ATP9A: variants seen among roughly 807,000 people sequenced by gnomAD.
ATP9A encodes ATPase phospholipid transporting 9A.
ATP9A carries 52 observed loss-of-function variants against 144.1 expected under a neutral mutation model. The observed-to-expected ratio is 0.36, with a 90% confidence interval of 0.29 to 0.45. ATP9A has a LOEUF of 0.45. Ranked by LOEUF, ATP9A falls within the 20% of genes least tolerant of loss-of-function variation. The pLI is 1.00. For synonymous variants in ATP9A, 582 were observed against 557.4 expected, an observed-to-expected ratio of 1.04 and a Z score of -0.62; for missense variants, 947 against 1,392.7, an observed-to-expected ratio of 0.68 and a Z score of 5.09.
chr20:51,753,986 T>G (rs192291720), intron 1 of ATP9A, among the ~76,000 whole-genome samples: 77 of 152,124 alleles, frequency 5.1e-4, no homozygotes, highest in African/African-American at 1.8e-3. Context: ...CTCTCATTTT[T>G]TTTTACATAG....
Position 51,677,690 on chromosome 20 carries a change from G to A in ATP9A, c.800-1482C>T, listed in dbSNP as rs143055760. Among the ~76,000 whole-genome samples, 186 of 152,188 alleles carry A rather than the reference G, an allele frequency of 1.2e-3. 1 individual carries two copies. The highest frequency in any genetic ancestry group is 4.4e-3 in the African/African-American group (184 of 41,512). ...TTTCAGTCTAACTTGCCCATTTGGG[G>A]ATGTCTGTCCCAAGGACAACTCTTT... is the stretch of plus-strand genomic sequence containing the variant. On this transcript the variant is annotated intron_variant, in intron 9 of 27. Coordinates refer to ENST00000338821, the MANE Select transcript of ATP9A (RefSeq NM_006045.3).
chr20:51,631,715 T>C (rs1191864037), intron 15 of ATP9A, among the ~76,000 whole-genome samples: 1 of 152,196 alleles, frequency 6.6e-6, no homozygotes, highest in East Asian at 1.9e-4. Flanking sequence ...AGGCCTCTTT[T>C]AGTCCAGCAA....
intron 9 of ATP9A, among the ~76,000 whole-genome samples, chr20:51,676,452 C>T (rs977050631): frequency 2.6e-5 from 4 of 151,952 alleles, no homozygotes; most frequent in East Asian, 1.9e-4. Flanking sequence ...GGATTATAGG[C>T]GTGCACCACC....
chr20:51,646,803 C>T (rs1020380012), intron 14 of ATP9A, among the ~76,000 whole-genome samples: 2 of 152,070 alleles, frequency 1.3e-5, no homozygotes, highest in African/African-American at 2.4e-5. Context: ...TAGGAATCAG[C>T]GGAAGAGACA....
chr20:51,629,161 A>T, intron 15 of ATP9A, 89 bp from the exon 16 acceptor site: 3 of 1,031,980 alleles, frequency 2.9e-6, no homozygotes, highest in Non-Finnish European at 4.4e-6. Flanking sequence ...ACAGTGTACA[A>T]AGTGCACTTA....
intron 1 of ATP9A, among the ~76,000 whole-genome samples, chr20:51,746,902 A>C (rs1299391057): frequency 6.6e-6 from 1 of 151,986 alleles, no homozygotes; most frequent in East Asian, 1.9e-4. Context: ...GCTACTCCAG[A>C]GGCTGAGGCA....
chr20:51,706,007 AT>A (rs2077613196), intron 4 of ATP9A, among the ~76,000 whole-genome samples: 1 of 152,202 alleles, frequency 6.6e-6, no homozygotes, highest in South Asian at 2.1e-4. Flanking sequence ...TTAAATGTGA[AT>A]TTGTAAGTAG....
chr20:51,614,617 A>T (rs767077131), intron 22 of ATP9A, among the ~76,000 whole-genome samples: 3 of 152,148 alleles, frequency 2.0e-5, no homozygotes, highest in Non-Finnish European at 4.4e-5. Flanking sequence ...TCTCATTTTA[A>T]AAGGCAGTGA....
At chr20:51,625,463 A>C in intron 17 of ATP9A, 101 bp from the exon 18 acceptor site, 3 of 1,333,338 alleles carry the variant, frequency 2.2e-6, no homozygotes, top group Non-Finnish European at 3.0e-6. Context: ...TCCCCACCAC[A>C]CGGGGTGGGG....
At chr20:51,703,788 G>C (rs1260302962) in intron 4 of ATP9A, among the ~76,000 whole-genome samples, 2 of 152,008 alleles carry the variant, frequency 1.3e-5, no homozygotes, top group African/African-American at 2.4e-5. Flanking sequence ...ATATGTGTGG[G>C]CCTATTTTTT....
At chr20:51,768,266 G>T in intron 1 of ATP9A, 36 bp downstream of exon 1, 7 of 1,227,126 alleles carry the variant, frequency 5.7e-6, no homozygotes, top group Middle Eastern at 2.5e-4. Flanking sequence ...TCCGGGAGGC[G>T]CGGACAAAGG....
At chr20:51,607,243 A>C (rs1178487273) in intron 26 of ATP9A, among the ~76,000 whole-genome samples, 1 of 152,202 alleles carries the variant, frequency 6.6e-6, no homozygotes, top group Non-Finnish European at 1.5e-5. Context: ...ACATCCCAGA[A>C]AGCATCTGCT....
intron 1 of ATP9A, among the ~76,000 whole-genome samples, chr20:51,760,106 G>A (rs1326849129): frequency 6.6e-6 from 1 of 152,060 alleles, no homozygotes; most frequent in Non-Finnish European, 1.5e-5. Flanking sequence ...AGTTTAAAAT[G>A]GCCCCTCAGC....
At chr20:51,624,582 C>T (rs986781965) in intron 18 of ATP9A, among the ~76,000 whole-genome samples, 12 of 152,166 alleles carry the variant, frequency 7.9e-5, no homozygotes, top group African/African-American at 2.9e-4. Context: ...GCGTGCTGAT[C>T]ACTCAACTAG....
At chr20:51,653,323 G>T (rs1335510342) in intron 14 of ATP9A, among the ~76,000 whole-genome samples, 1 of 151,774 alleles carries the variant, frequency 6.6e-6, no homozygotes, top group Non-Finnish European at 1.5e-5. Context: ...TTCCATGAAA[G>T]ATTTATCCTC....
chr20:51,628,626 A>G (rs2077259104), intron 16 of ATP9A, among the ~76,000 whole-genome samples: 1 of 152,226 alleles, frequency 6.6e-6, no homozygotes, highest in Non-Finnish European at 1.5e-5. Flanking sequence ...CAACAACCTG[A>G]GACCCTTAGT....
intron 3 of ATP9A, among the ~76,000 whole-genome samples, chr20:51,723,567 T>C (rs928089056): frequency 0.21 from 14,009 of 67,446 alleles, 892 homozygotes; most frequent in African/African-American, 0.35. Flanking sequence ...CAAATTCTTT[T>C]TTTTTTTTTT....
At chr20:51,610,779 G>C (rs188735499) in intron 23 of ATP9A, among the ~76,000 whole-genome samples, 3 of 152,268 alleles carry the variant, frequency 2.0e-5, no homozygotes, top group African/African-American at 7.2e-5. Context: ...AAGTGTCTAC[G>C]GGGGCTGGGA....
intron 1 of ATP9A, among the ~76,000 whole-genome samples, chr20:51,742,557 C>G (rs978941250): frequency 3.9e-5 from 6 of 152,054 alleles, no homozygotes; most frequent in African/African-American, 1.4e-4. Context: ...TGCTGTCGCC[C>G]AGGCTGGAGT....
Sources: gnomAD v4.1 joint callset for allele counts (sites outside exome capture counted in the v4.1 genomes callset) on GRCh38, gnomAD v4.1.1 for gene constraint, MANE v1.5 for transcripts, NCBI Gene and HGNC (gene_info 2026-07-23, HGNC 2026-07-21) for gene names.